Variants in PPARGC1A observed in about 807,000 individuals in gnomAD.
PPARGC1A encodes the protein peroxisome proliferator-activated receptor gamma coactivator 1-alpha.
A neutral mutation model predicts 88.7 loss-of-function variants in PPARGC1A; 25 were observed. That is an observed-to-expected ratio of 0.28 (90% CI 0.21 to 0.39). The LOEUF is 0.39. PPARGC1A is among the 10% of genes least tolerant of loss of function. The pLI is 1.00. For missense variants in PPARGC1A, 880 were observed against 968.7 expected (o/e 0.91, Z 1.22); for synonymous variants, 363 against 355.6 (o/e 1.02, Z -0.24).
At chr4:24,469,807 G>A in the PPARGC1A span, among the ~76,000 whole-genome samples, 1 of 151,942 alleles carries the variant, frequency 6.6e-6, no homozygotes, top group Admixed American at 6.6e-5. Context: ...GCCCCCCTCC[G>A]CAAATGGTTC....
At chr4:23,834,364 C>T (rs1725632132) in intron 2 of PPARGC1A, among the ~76,000 whole-genome samples, 2 of 151,530 alleles carry the variant, frequency 1.3e-5, no homozygotes, top group African/African-American at 4.9e-5. Flanking sequence ...TAGCACATAC[C>T]TGTAATCTCA....
the PPARGC1A span, among the ~76,000 whole-genome samples, chr4:24,343,653 T>C: frequency 6.6e-6 from 1 of 152,192 alleles, no homozygotes; most frequent in African/African-American, 2.4e-5. Flanking sequence ...CTGAAACTTA[T>C]TTGACTTTCT....
chr4:24,012,078 G>A, the PPARGC1A span, among the ~76,000 whole-genome samples: 212 of 152,114 alleles, frequency 1.4e-3, 2 homozygotes, highest in Middle Eastern at 3.4e-3. Context: ...TCATAGGAGC[G>A]CCTATAATAT....
At chr4:24,386,416 A>G in the PPARGC1A span, among the ~76,000 whole-genome samples, 76 of 152,310 alleles carry the variant, frequency 5.0e-4, no homozygotes, top group South Asian at 7.2e-3. Context: ...AGAAAGAAAT[A>G]AAGGGTATTC....
At chr4:24,264,809 C>T in the PPARGC1A span, among the ~76,000 whole-genome samples, 3 of 152,200 alleles carry the variant, frequency 2.0e-5, no homozygotes, top group South Asian at 4.2e-4. Context: ...ACTGCTTTTG[C>T]CTATTTGTTT....
the PPARGC1A span, among the ~76,000 whole-genome samples, chr4:24,412,333 A>T: frequency 6.6e-6 from 1 of 152,092 alleles, no homozygotes; most frequent in African/African-American, 2.4e-5. Flanking sequence ...AATTTCACCC[A>T]CCACCTATTG....
intron 9 of PPARGC1A, 26 bp downstream of exon 9, chr4:23,812,995 T>C (rs1721215829): frequency 1.2e-6 from 2 of 1,612,448 alleles, no homozygotes; most frequent in African/African-American, 2.7e-5. Flanking sequence ...TAAAGGGAGC[T>C]AAAGGAAAAT....
In PPARGC1A at chr4:23,813,023, G is replaced by T; in HGVS notation, c.1896C>A (p.Pro632=). The T allele has an allele frequency of 6.2e-7, 1 of 1,613,942 alleles. No individual in the cohort carries two copies. Among genetic ancestry groups the T allele is most frequent in the South Asian group, 1.1e-5 (1 of 91,070 alleles). The change falls in exon 9 of 13, where the codon CCC becomes CCA. Residue 632 remains proline, a splice_region_variant and synonymous_variant. Coordinates refer to ENST00000264867, the MANE Select transcript of PPARGC1A (RefSeq NM_013261.5). ...AGGAAAATGACATGCCTCATTACCTGGGCCGACGGCTGTAGGGCGATCTTG... is the reference window on the plus strand; with the variant it reads ...AGGAAAATGACATGCCTCATTACCTTGGCCGACGGCTGTAGGGCGATCTTG... ...SRSRSPYSRR[P]RYDSYEEYQH...
chr4:24,182,398 TA>T, the PPARGC1A span, among the ~76,000 whole-genome samples: 1 of 152,210 alleles, frequency 6.6e-6, no homozygotes, highest in African/African-American at 2.4e-5. Context: ...TGTCTATCAT[TA>T]ATGGGCATTC....
chr4:24,001,466 A>G, the PPARGC1A span, among the ~76,000 whole-genome samples: 1 of 152,204 alleles, frequency 6.6e-6, no homozygotes, highest in African/African-American at 2.4e-5. Flanking sequence ...TTTTTAAGTG[A>G]GAACGTCTTC....
the PPARGC1A span, among the ~76,000 whole-genome samples, chr4:24,090,580 T>C: frequency 6.6e-6 from 1 of 152,228 alleles, no homozygotes; most frequent in African/African-American, 2.4e-5. Flanking sequence ...AAATCAGAGT[T>C]TCACTTTATC....
the PPARGC1A span, among the ~76,000 whole-genome samples, chr4:24,382,813 C>T: frequency 9.9e-4 from 151 of 152,326 alleles, no homozygotes; most frequent in African/African-American, 3.3e-3. Context: ...GACGCAGCTT[C>T]GGCAGACTTA....
At chr4:23,869,231 T>C (rs1201413921) in intron 2 of PPARGC1A, among the ~76,000 whole-genome samples, 4 of 151,734 alleles carry the variant, frequency 2.6e-5, no homozygotes, top group African/African-American at 7.3e-5. Context: ...AAGGAAAAAA[T>C]TGAACAAGGG....
At chr4:24,125,945 C>T in the PPARGC1A span, among the ~76,000 whole-genome samples, 1 of 152,204 alleles carries the variant, frequency 6.6e-6, no homozygotes, top group Non-Finnish European at 1.5e-5. Context: ...AGAGGATGGG[C>T]TCAAAGTGTA....
At chr4:24,010,340 A>G in the PPARGC1A span, among the ~76,000 whole-genome samples, 6 of 152,208 alleles carry the variant, frequency 3.9e-5, no homozygotes, top group African/African-American at 1.4e-4. Flanking sequence ...TTTGTGCAGG[A>G]TGAAGTATTT....
chr4:24,080,375 T>G, the PPARGC1A span, among the ~76,000 whole-genome samples: 5 of 152,016 alleles, frequency 3.3e-5, no homozygotes, highest in African/African-American at 1.2e-4. Flanking sequence ...AGTTAGTTAT[T>G]AATTTTTATA....
chr4:24,042,250 G>A, the PPARGC1A span, among the ~76,000 whole-genome samples: 1 of 152,194 alleles, frequency 6.6e-6, no homozygotes, highest in East Asian at 1.9e-4. Context: ...TATTAACACT[G>A]GTGGCTTCAT....
chr4:24,430,935 T>G, the PPARGC1A span, among the ~76,000 whole-genome samples: 1 of 151,790 alleles, frequency 6.6e-6, no homozygotes, highest in African/African-American at 2.4e-5. Context: ...CTGACCAACA[T>G]GGTGAAACCC....
At chr4:23,864,249 G>A (rs1425288775) in intron 2 of PPARGC1A, among the ~76,000 whole-genome samples, 5 of 152,120 alleles carry the variant, frequency 3.3e-5, no homozygotes, top group African/African-American at 9.7e-5. Context: ...CCTAGAACAG[G>A]GCTTTGTCCA....
Sources: gnomAD v4.1 joint callset for allele counts (sites outside exome capture counted in the v4.1 genomes callset) on GRCh38, gnomAD v4.1.1 for gene constraint, MANE v1.5 for transcripts, NCBI Gene and HGNC (gene_info 2026-07-23, HGNC 2026-07-21) for gene names.